The following KLHL6 variants were observed in gnomAD, a reference collection of about 807,000 sequenced individuals.
KLHL6 encodes kelch like family member 6.
A neutral mutation model predicts 58.6 loss-of-function variants in KLHL6; 41 were observed. That is an observed-to-expected ratio of 0.70 (90% CI 0.55 to 0.91). KLHL6 has a LOEUF of 0.91. Among genes scored for constraint, KLHL6 ranks in the 40% least tolerant of loss-of-function variants. The probability of loss-of-function intolerance (pLI) is 0.00; values close to 1 mark genes in which losing one functional copy is unlikely to be tolerated. For missense variants in KLHL6, 714 were observed against 805.6 expected, an observed-to-expected ratio of 0.89 and a Z score of 1.38; for synonymous variants, 338 against 322.7, an observed-to-expected ratio of 1.05 and a Z score of -0.51.
intron 1 of KLHL6, among the ~76,000 whole-genome samples, chr3:183,534,167 C>T (rs890699345): frequency 1.3e-4 from 2 of 15,082 alleles, no homozygotes; most frequent in South Asian, 1.6e-3. Context: ...CTTTAAAAGA[C>T]ATTACTTTAA....
chr3:183,526,736 G>A (rs1001141525), intron 2 of KLHL6, among the ~76,000 whole-genome samples: 1 of 152,088 alleles, frequency 6.6e-6, no homozygotes, highest in Non-Finnish European at 1.5e-5. Context: ...CATCACTTGA[G>A]AGAAAATTAA....
At chr3:183,507,902 A>C (rs1304768447) in intron 3 of KLHL6, among the ~76,000 whole-genome samples, 157 bp downstream of exon 3, 1 of 152,180 alleles carries the variant, frequency 6.6e-6, no homozygotes, top group East Asian at 1.9e-4. Flanking sequence ...ATCAGGAATC[A>C]GGGCTTCTGG....
rs1553812188 is a variant in KLHL6, at chr3:183,531,449, T to TTTTTG, written c.294-3440_294-3439insCAAAA. Among the ~76,000 whole-genome samples the TTTTTG allele has an allele frequency of 6.9e-4, 87 of 125,712 alleles. 1 individual carries two copies. Among genetic ancestry groups the TTTTTG allele is most frequent in the African/African-American group, 3.1e-3 (85 of 27,740 alleles). The allele number at this position is 125,712 out of a possible 152,430, so 82.5% of individuals were successfully genotyped here. ...CTGTTCTTTTTTTGTCTGTGTTTTTTTTTTTTTTTTTTTTTTTTGAGATGG... is the reference window on the plus strand; with the variant it reads ...CTGTTCTTTTTTTGTCTGTGTTTTTTTTTTGTTTTTTTTTTTTTTTTTTGAGATGG... On this transcript the variant is annotated intron_variant, in intron 1 of 6. Coordinates refer to ENST00000341319, the MANE Select transcript of KLHL6 (RefSeq NM_130446.4).
chr3:183,524,393 T>C (rs538185349), intron 2 of KLHL6, among the ~76,000 whole-genome samples: 4 of 152,328 alleles, frequency 2.6e-5, no homozygotes, highest in Non-Finnish European at 5.9e-5. Context: ...AAAAACTAGT[T>C]GGGGAAAATG....
Position 183,491,808 on chromosome 3 carries a change from G to A in KLHL6, c.*119C>T, listed in dbSNP as rs887710300. ...AGGTTCCCCCAAAGTGAGTCAAGGG[G>A]ATCCCCTGATGTATGGCCTCAAACT... On this transcript the variant is annotated 3_prime_UTR_variant, in exon 7 of 7. Transcript: ENST00000341319. 1.5e-5 allele frequency: 13 copies of A among 872,208 alleles called. No homozygotes were observed. Among genetic ancestry groups the A allele is most frequent in the Non-Finnish European group, 2.1e-5 (13 of 613,206 alleles). The allele number at this position is 872,208 out of a possible 1,614,324, so 54.0% of individuals were successfully genotyped here.
rs534079035 is a variant in KLHL6 at position 183,536,468 on chromosome 3, A to C, written c.294-8458T>G. 2.0e-5 allele frequency among the ~76,000 whole-genome samples: 3 copies of C among 152,306 alleles called. No homozygotes were observed. The East Asian group carries it at 5.8e-4, about 29-fold the overall frequency. ...GGGAGCCTGGGGAGGGCAGGGGAAA[A>C]AGAGCAGCCACCTGGCTGTTGGCAG... is the stretch of plus-strand genomic sequence containing the variant. On this transcript the variant is annotated intron_variant, in intron 1 of 6. Coordinates refer to ENST00000341319, the MANE Select transcript of KLHL6 (RefSeq NM_130446.4).
At chr3:183,504,789 A>G (rs1167293404) in intron 3 of KLHL6, among the ~76,000 whole-genome samples, 1 of 152,170 alleles carries the variant, frequency 6.6e-6, no homozygotes, top group Non-Finnish European at 1.5e-5. Context: ...TTATTTCATC[A>G]TCCGTATGAT....
intron 4 of KLHL6, 105 bp from the exon 5 acceptor site, chr3:183,494,386 C>G: frequency 1.1e-6 from 1 of 917,946 alleles, no homozygotes; most frequent in Non-Finnish European, 1.7e-6. Flanking sequence ...CAGGCCAGCC[C>G]TACCCTGAGG....
At chr3:183,538,902 A>G (rs1256428080) in intron 1 of KLHL6, among the ~76,000 whole-genome samples, 1 of 152,096 alleles carries the variant, frequency 6.6e-6, no homozygotes, top group African/African-American at 2.4e-5. Flanking sequence ...GGCCTCAGAT[A>G]CTCCAGCCTC....
Position 183,555,342 on chromosome 3 carries a change from T to A in KLHL6, c.293+19A>T. 1 of 1,609,356 alleles carries A rather than the reference T, an allele frequency of 6.2e-7. No individual in the cohort carries two copies. Among genetic ancestry groups the A allele is most frequent in the Non-Finnish European group, 8.5e-7 (1 of 1,176,780 alleles). On this transcript the variant is annotated intron_variant, in intron 1 of 6. Coordinates refer to ENST00000341319, the MANE Select transcript of KLHL6 (RefSeq NM_130446.4). ...TTGCAACTTGCACCCAATTTGACTC[T>A]GGTCCTAGGCATGCTGACCTGAAAT...
chr3:183,549,557 G>A (rs1414657618), intron 1 of KLHL6, among the ~76,000 whole-genome samples: 32 of 152,188 alleles, frequency 2.1e-4, no homozygotes, highest in Non-Finnish European at 2.2e-4. Flanking sequence ...TGCCCCGGCT[G>A]GAGTGCAGTG....
At position 183,492,445 on chromosome 3, in the gene KLHL6, C is replaced by A. The variant is rs772134950; in HGVS notation, c.1564+49G>T. ...ACACCGTTTACGTGCTGCAGCCAGG[C>A]GCTCATCAGGTTCTAAGCCATTCAG... is the stretch of plus-strand genomic sequence containing the variant. On this transcript the variant is annotated intron_variant, in intron 6 of 6. Coordinates refer to ENST00000341319, the MANE Select transcript of KLHL6 (RefSeq NM_130446.4). The surrounding 1 kb of genome is among the most constrained non-coding windows in gnomAD (Gnocchi z 5.9). The A allele has an allele frequency of 2.5e-6, 4 of 1,588,134 alleles. No individual in the cohort carries two copies. The African/African-American group carries it at 4.0e-5, about 16-fold the overall frequency.
intron 2 of KLHL6, among the ~76,000 whole-genome samples, chr3:183,513,379 T>C (rs1718243307): frequency 6.6e-6 from 1 of 152,216 alleles, no homozygotes; most frequent in Non-Finnish European, 1.5e-5. Flanking sequence ...ATTCCAAAAA[T>C]GCATGTTTTT....
At chr3:183,501,495 A>G (rs1034072879) in intron 3 of KLHL6, among the ~76,000 whole-genome samples, 5 of 152,178 alleles carry the variant, frequency 3.3e-5, no homozygotes, top group African/African-American at 1.2e-4. Context: ...ACCAGGCCTC[A>G]GCCTCCACTC....
chr3:183,499,068 G>A lies in KLHL6; in HGVS notation c.1147+522C>T, dbSNP rs796367953. Among the ~76,000 whole-genome samples, 4 of 152,298 alleles carry A rather than the reference G, an allele frequency of 2.6e-5. No homozygotes were observed. The highest frequency in any genetic ancestry group is 7.2e-5 in the African/African-American group (3 of 41,566). On this transcript the variant is annotated intron_variant, in intron 4 of 6. Coordinates refer to ENST00000341319, the MANE Select transcript of KLHL6 (RefSeq NM_130446.4). The surrounding 1 kb of genome is among the most constrained non-coding windows in gnomAD (Gnocchi z 4.6). ...ATTAATAGTACAACGCTGGCCGGAC[G>A]AGGTGGCTCACGCCTGTAATCCCAG...
intron 1 of KLHL6, among the ~76,000 whole-genome samples, chr3:183,532,357 C>A (rs1172299725): frequency 6.6e-6 from 1 of 152,164 alleles, no homozygotes; most frequent in African/African-American, 2.4e-5. Flanking sequence ...CTTCCAGACT[C>A]TATAGAAGTG....
intron 1 of KLHL6, among the ~76,000 whole-genome samples, chr3:183,549,116 AC>A (rs1388929458): frequency 3.4e-5 from 5 of 148,494 alleles, no homozygotes; most frequent in Non-Finnish European, 7.3e-5. Context: ...TACCTATGTA[AC>A]AAACCCGCGC....
rs1247398286 is a variant in KLHL6, at chr3:183,534,946, A to ATT, written c.294-6937_294-6936insAA. Reference sequence around the variant, plus strand: ...TGCATATATATACATATATATATATATATATTTTTTTTTTTTGAGACAGAG... The same window carrying ATT: ...TGCATATATATACATATATATATATATTTATATTTTTTTTTTTTGAGACAGAG... On this transcript the variant is annotated intron_variant, in intron 1 of 6. Transcript: ENST00000341319. Among the ~76,000 whole-genome samples, 838 of 96,710 alleles carry ATT rather than the reference A, an allele frequency of 8.7e-3. 10 individuals are homozygous for ATT. Among genetic ancestry groups the ATT allele is most frequent in the African/African-American group, 0.034 (803 of 23,302 alleles). The allele number at this position is 96,710 out of a possible 152,430, so 63.4% of individuals were successfully genotyped here.
intron 1 of KLHL6, among the ~76,000 whole-genome samples, chr3:183,531,254 G>A (rs1047545832): frequency 2.6e-5 from 4 of 151,914 alleles, no homozygotes; most frequent in Non-Finnish European, 5.9e-5. Flanking sequence ...TCGGGGGAGG[G>A]GTTGTTGGGA....
Sources: allele counts gnomAD v4.1 joint callset (sites outside exome capture counted in the v4.1 genomes callset), GRCh38; gene constraint gnomAD v4.1.1; non-coding constraint Gnocchi (gnomAD v3.1); transcripts MANE v1.5; gene names NCBI Gene and HGNC (gene_info 2026-07-23, HGNC 2026-07-21).